NCLN: variants seen among roughly 807,000 people sequenced by gnomAD.
The protein encoded by NCLN is BOS complex subunit NCLN.
Under a neutral mutation model 69.5 loss-of-function variants are expected in NCLN, and 34 were observed. The ratio of observed to expected loss-of-function variants is 0.49; its 90% CI spans 0.37 to 0.65. The LOEUF (loss-of-function observed/expected upper bound fraction) is 0.65, where lower values mean the gene tolerates loss of function less well. Ranked by LOEUF, NCLN falls within the 30% of genes least tolerant of loss-of-function variation. The pLI, the probability that NCLN is intolerant of heterozygous loss-of-function variation, is 0.00. For synonymous variants in NCLN, 393 were observed against 358.3 expected (o/e 1.10, Z -1.09); for missense variants, 710 against 804.8 (o/e 0.88, Z 1.42).
In NCLN at chr19:3,205,331, C is replaced by T. The variant is rs567481332; in HGVS notation, c.1208+580C>T. Among the ~76,000 whole-genome samples the T allele has an allele frequency of 6.6e-5, 10 of 152,348 alleles. No individual in the cohort carries two copies. In the South Asian group the frequency reaches 1.9e-3, roughly 28 times the overall value. On this transcript the variant is annotated intron_variant, in intron 9 of 14. Coordinates refer to ENST00000246117, the MANE Select transcript of NCLN (RefSeq NM_020170.4). This position sits in a 1 kb window ranked among gnomAD's most constrained non-coding sequence, Gnocchi z 4.6. ...TCTCCTCCCCCAGCGCCCGCAGTCC[C>T]GGCATAGATCCTTCCCGTTCATCCA...
In NCLN at chr19:3,204,054, C is replaced by A. The variant is rs780897260; in HGVS notation, c.939C>A (p.Thr313=). 1.3e-6 allele frequency: 2 copies of A among 1,568,862 alleles called. No homozygotes were observed. Among genetic ancestry groups the A allele is most frequent in the Non-Finnish European group, 8.6e-7 (1 of 1,156,854 alleles). ...DNVAFVLCLD[T]VGRGSSLHLH... The stretch of plus-strand genomic sequence containing the variant: ...TGGCCTTCGTGCTGTGCCTGGACAC[C>A]GTGGGCCGGGGCAGCAGCCTGCACC... The change falls in exon 8 of 15, where the codon ACC becomes ACA. Residue 313 remains threonine, a synonymous_variant. Coordinates refer to ENST00000246117, the MANE Select transcript of NCLN (RefSeq NM_020170.4).
chr19:3,193,821 G>A (rs927473093), intron 3 of NCLN, among the ~76,000 whole-genome samples: 8 of 152,202 alleles, frequency 5.3e-5, no homozygotes, highest in Non-Finnish European at 8.8e-5. Flanking sequence ...GTGCGTCGGC[G>A]GTGTCCTTAC....
In NCLN at chr19:3,186,012, G is replaced by GGCCCCGCC. The variant is rs1351236119; in HGVS notation, c.-15_-8dup. 1 of 1,525,128 alleles carries GGCCCCGCC rather than the reference G, an allele frequency of 6.6e-7. No homozygotes were observed. Among genetic ancestry groups the GGCCCCGCC allele is most frequent in the African/African-American group, 1.4e-5 (1 of 69,404 alleles). The allele number at this position is 1,525,128 out of a possible 1,614,324, so 94.5% of individuals were successfully genotyped here. A position where few individuals can be genotyped will look rare whatever the true frequency, so the allele number is the denominator to read the frequency against. Reference sequence around the variant, plus strand: ...TCCCGTCCCAGCTGCCGCCCCGCGCGGCCCCGCCGCCGGCCAGGATGCTGG... The same window carrying GGCCCCGCC: ...TCCCGTCCCAGCTGCCGCCCCGCGCGGCCCCGCCGCCCCGCCGCCGGCCAGGATGCTGG... On this transcript the variant is annotated 5_prime_UTR_variant, in exon 1 of 15. Transcript: ENST00000246117.
intron 3 of NCLN, among the ~76,000 whole-genome samples, chr19:3,195,169 G>C (rs185839704): frequency 1.6e-5 from 2 of 125,932 alleles, no homozygotes; most frequent in African/African-American, 6.2e-5. Flanking sequence ...GTGACAGTAC[G>C]ATACTCCGAC....
At chr19:3,201,690 A>C in intron 6 of NCLN, 64 bp downstream of exon 6, 2 of 1,299,866 alleles carry the variant, frequency 1.5e-6, no homozygotes, top group South Asian at 2.7e-5. Context: ...AGCGCTGCCC[A>C]CCAGGCACCT....
intron 1 of NCLN, among the ~76,000 whole-genome samples, chr19:3,187,551 G>A (rs1915702235): frequency 6.6e-6 from 1 of 152,208 alleles, no homozygotes; most frequent in African/African-American, 2.4e-5. Flanking sequence ...GTCCCATTTT[G>A]CCCCAGAGTT....
intron 4 of NCLN, 45 bp from the exon 5 acceptor site, chr19:3,198,772 C>A (rs1381953526): frequency 1.3e-6 from 2 of 1,521,642 alleles, no homozygotes; most frequent in Non-Finnish European, 1.8e-6. Context: ...CACGGGTCAC[C>A]TGCCCCAGGA....
chr19:3,193,111 G>A (rs1231676716), intron 2 of NCLN, among the ~76,000 whole-genome samples, 173 bp from the exon 3 acceptor site: 2 of 149,166 alleles, frequency 1.3e-5, no homozygotes, highest in African/African-American at 2.5e-5. Context: ...GGTTCATGCC[G>A]CCCTCTGAGG....
chr19:3,197,086 G>C (rs747345721), intron 4 of NCLN, among the ~76,000 whole-genome samples: 5 of 152,240 alleles, frequency 3.3e-5, no homozygotes, highest in Non-Finnish European at 7.3e-5. Flanking sequence ...GGGGTTTGTC[G>C]ATGGCGGCTG....
At chr19:3,189,076 G>T (rs1456891295) in intron 1 of NCLN, among the ~76,000 whole-genome samples, 3 of 152,260 alleles carry the variant, frequency 2.0e-5, no homozygotes, top group African/African-American at 7.2e-5. Flanking sequence ...TCCTGCTGCT[G>T]TTGAGAGGCA....
chr19:3,195,482 G>C (rs908315749), intron 3 of NCLN, among the ~76,000 whole-genome samples: 6 of 152,146 alleles, frequency 3.9e-5, no homozygotes, highest in African/African-American at 9.6e-5. Context: ...ATCTCCTGAC[G>C]TCGTGATTCG....
chr19:3,193,957 G>A (rs1314593575), intron 3 of NCLN, among the ~76,000 whole-genome samples: 1 of 152,216 alleles, frequency 6.6e-6, no homozygotes, highest in Non-Finnish European at 1.5e-5. Context: ...CCGCTGTGGA[G>A]AGTGAGGAGA....
chr19:3,191,002 G>A (rs1039520288), intron 1 of NCLN, among the ~76,000 whole-genome samples: 5 of 144,602 alleles, frequency 3.5e-5, no homozygotes, highest in African/African-American at 1.3e-4. Flanking sequence ...GGTGGCCATC[G>A]CGGTGTGTGG....
At chr19:3,204,279 G>T (rs1240301129) in intron 8 of NCLN, 135 bp downstream of exon 8, 1 of 1,172,454 alleles carries the variant, frequency 8.5e-7, no homozygotes, top group East Asian at 2.8e-5. Context: ...TCGGGGTCGG[G>T]CTGGGGTGTT....
intron 1 of NCLN, among the ~76,000 whole-genome samples, chr19:3,189,962 T>A (rs1216092236): frequency 6.6e-6 from 1 of 152,184 alleles, no homozygotes; most frequent in South Asian, 2.1e-4. Context: ...CCCCCTCCGT[T>A]CCTCTGACTT....
rs1325204753 is a variant in NCLN, at chr19:3,204,008, C to A, written c.893C>A (p.Ser298Tyr). The change falls in exon 8 of 15, where the codon TCC becomes TAC. Residue 298 changes from serine to tyrosine, a missense_variant. Transcript: ENST00000246117. ...WLEDNLDHTD[S>Y]SLLQDNVAFV... is the part of the protein sequence containing the mutation. ...GCCAGCTCTCGGTGTCCTGCAGACT[C>A]CAGCCTGCTTCAGGACAATGTGGCC... 6.4e-7 allele frequency: 1 copy of A among 1,568,364 alleles called. No homozygotes were observed. The highest frequency in any genetic ancestry group is 1.9e-5 in the Admixed American group (1 of 53,902).
Position 3,205,812 on chromosome 19 carries a change from AT to A in NCLN, c.1209-112del, listed in dbSNP as rs754997356. On this transcript the variant is annotated intron_variant, in intron 9 of 14. Coordinates refer to ENST00000246117, the MANE Select transcript of NCLN (RefSeq NM_020170.4). This position sits in a 1 kb window ranked among gnomAD's most constrained non-coding sequence, Gnocchi z 4.6. ...AGCCAAGTAGTTAAAGCTAAGCTTA[AT>A]TTTTTTTTTTTTTTAAAGACAGAGT... 93,961 of 659,880 alleles carry A rather than the reference AT, an allele frequency of 0.14. No individual in the cohort carries two copies. The highest frequency in any genetic ancestry group is 0.18 in the Middle Eastern group (369 of 2,094). 40.9% of individuals were successfully genotyped at this position (659,880 alleles called of 1,614,324 possible).
chr19:3,196,041 G>T (rs2144904157), intron 3 of NCLN, 142 bp from the exon 4 acceptor site: 3 of 518,026 alleles, frequency 5.8e-6, no homozygotes, highest in Middle Eastern at 3.9e-4. Context: ...GCATCCTGTG[G>T]TATCGAAATC....
chr19:3,191,540 C>T (rs371589024), intron 1 of NCLN, among the ~76,000 whole-genome samples: 4 of 152,138 alleles, frequency 2.6e-5, no homozygotes, highest in Admixed American at 1.3e-4. Context: ...GCCCGAGGGG[C>T]GCTCCATGCT....
Sources: allele counts gnomAD v4.1 joint callset (sites outside exome capture counted in the v4.1 genomes callset), GRCh38; gene constraint gnomAD v4.1.1; non-coding constraint Gnocchi (gnomAD v3.1); transcripts MANE v1.5; gene names NCBI Gene and HGNC (gene_info 2026-07-23, HGNC 2026-07-21).